Variants in CNTLN observed in about 807,000 individuals in gnomAD.
The protein encoded by CNTLN is centlein, also known as centlein, centrosomal protein.
CNTLN carries 212 observed loss-of-function variants against 180.0 expected under a neutral mutation model. That is an observed-to-expected ratio of 1.18 (90% CI 1.05 to 1.32). CNTLN has a LOEUF of 1.32. CNTLN is among the 40% of genes most tolerant of loss of function. The pLI, the probability that CNTLN is intolerant of heterozygous loss-of-function variation, is 0.00. For synonymous variants in CNTLN, 722 were observed against 563.1 expected (o/e 1.28, Z -3.99); for missense variants, 2,095 against 1,610.9 (o/e 1.30, Z -5.14).
At chr9:17,214,549 C>G (rs1022920388) in intron 2 of CNTLN, among the ~76,000 whole-genome samples, 18 of 152,074 alleles carry the variant, frequency 1.2e-4, no homozygotes, top group African/African-American at 4.1e-4. Flanking sequence ...TTGCTCTTCT[C>G]GAGGAGTATC....
intron 6 of CNTLN, among the ~76,000 whole-genome samples, chr9:17,281,691 G>A (rs974289925): frequency 6.6e-6 from 1 of 152,102 alleles, no homozygotes; most frequent in African/African-American, 2.4e-5. Flanking sequence ...TATCTTTGAT[G>A]GGCATTTGGG....
chr9:17,366,700 T>A lies in CNTLN; in HGVS notation c.1970T>A (p.Val657Glu). Residue 657 changes from valine to glutamate, a missense_variant, in exon 13 of 26, where the codon GTG becomes GAG. Physicochemically the swap from Val to Glu is moderately radical, Grantham distance 121 (BLOSUM62 -2). Coordinates refer to ENST00000380647, the MANE Select transcript of CNTLN (RefSeq NM_017738.4). ...GCAATACAAGAATTGAATAGATGTG[T>A]GGCAGAGAGAAGAGAAGGTAAATTT... ...KAAIQELNRC[V>E]AERREEQLFR... The A allele has an allele frequency of 6.4e-7, 1 of 1,572,030 alleles. No homozygotes were observed. Among genetic ancestry groups the A allele is most frequent in the Non-Finnish European group, 8.7e-7 (1 of 1,152,670 alleles).
At chr9:17,501,132 A>G (rs183245999) in intron 25 of CNTLN, among the ~76,000 whole-genome samples, 1 of 152,272 alleles carries the variant, frequency 6.6e-6, no homozygotes, top group Admixed American at 6.5e-5. Context: ...TTTAAAGTCA[A>G]TGTATATGTC....
At chr9:17,501,546 C>T (rs895769671) in intron 25 of CNTLN, among the ~76,000 whole-genome samples, 4 of 152,190 alleles carry the variant, frequency 2.6e-5, no homozygotes, top group African/African-American at 7.2e-5. Context: ...AGACAAAGGC[C>T]GTTAGGCCAT....
chr9:17,291,301 T>C (rs527578660), intron 6 of CNTLN, among the ~76,000 whole-genome samples: 1 of 152,212 alleles, frequency 6.6e-6, no homozygotes, highest in South Asian at 2.1e-4. Context: ...GGGTGGAGAG[T>C]TCTGTAGATA....
In CNTLN at chr9:17,236,457, A is replaced by G; in HGVS notation, c.718A>G (p.Ile240Val). ...CAAAGAAGAGCAAAACAGACTAGTT[A>G]TAAAAAATCTGGAGGAGGAAAACAA... ...QNKEEQNRLV[I>V]KNLEEENKKL... Residue 240 changes from isoleucine (I) to valine (V), a missense_variant, in exon 5 of 26, where the codon ATA (isoleucine) becomes GTA (valine). Physicochemically the swap from Ile to Val is conservative, Grantham distance 29. Coordinates refer to ENST00000380647, the MANE Select transcript of CNTLN (RefSeq NM_017738.4). 6.2e-7 allele frequency: 1 copy of G among 1,613,744 alleles called. No homozygotes were observed. Among genetic ancestry groups the G allele is most frequent in the Non-Finnish European group, 8.5e-7 (1 of 1,179,732 alleles).
chr9:17,247,421 T>G (rs1825858012), intron 5 of CNTLN, among the ~76,000 whole-genome samples: 1 of 152,172 alleles, frequency 6.6e-6, no homozygotes, highest in South Asian at 2.1e-4. Context: ...CACTGAGTTG[T>G]AGTGCAAAGT....
chr9:17,372,466 A>G (rs1268994244), intron 13 of CNTLN, among the ~76,000 whole-genome samples: 1 of 152,138 alleles, frequency 6.6e-6, no homozygotes, highest in African/African-American at 2.4e-5. Context: ...ATAAGTAAAG[A>G]CACTGATGCC....
At chr9:17,186,580 A>G (rs781378212) in intron 2 of CNTLN, among the ~76,000 whole-genome samples, 1 of 152,090 alleles carries the variant, frequency 6.6e-6, no homozygotes, top group African/African-American at 2.4e-5. Flanking sequence ...TCACTTCTCT[A>G]TCTCAAGGTT....
chr9:17,136,327 TC>T (rs1817714033), intron 1 of CNTLN, among the ~76,000 whole-genome samples: 1 of 152,134 alleles, frequency 6.6e-6, no homozygotes, highest in Admixed American at 6.5e-5. Context: ...GTGAACAGTA[TC>T]ATCAGTTTAA....
intron 8 of CNTLN, among the ~76,000 whole-genome samples, chr9:17,313,803 T>G (rs1289830346): frequency 6.6e-6 from 1 of 152,196 alleles, no homozygotes; most frequent in African/African-American, 2.4e-5. Context: ...TCTGTAAATT[T>G]TTATTTTTTT....
At chr9:17,440,947 G>A (rs576421434) in intron 18 of CNTLN, among the ~76,000 whole-genome samples, 1 of 152,308 alleles carries the variant, frequency 6.6e-6, no homozygotes, top group South Asian at 2.1e-4. Flanking sequence ...TGGGAAAGGA[G>A]TTTCTGTAAA....
At chr9:17,215,276 G>C (rs1823656106) in intron 2 of CNTLN, among the ~76,000 whole-genome samples, 1 of 152,220 alleles carries the variant, frequency 6.6e-6, no homozygotes, top group Admixed American at 6.5e-5. Flanking sequence ...CTAACAGTCA[G>C]GACCATTAGC....
intron 6 of CNTLN, among the ~76,000 whole-genome samples, chr9:17,296,903 T>A (rs923423793): frequency 8.5e-5 from 13 of 152,256 alleles, no homozygotes; most frequent in Non-Finnish European, 1.9e-4. Context: ...TTCATCCATG[T>A]TCAACAACTG....
intron 25 of CNTLN, among the ~76,000 whole-genome samples, chr9:17,498,925 C>G (rs535458547): frequency 3.9e-5 from 6 of 152,326 alleles, no homozygotes; most frequent in Admixed American, 3.3e-4. Context: ...GTCTGTATGT[C>G]TCCCTCAGAG....
At chr9:17,231,738 G>A (rs1424050059) in intron 3 of CNTLN, among the ~76,000 whole-genome samples, 1 of 151,970 alleles carries the variant, frequency 6.6e-6, no homozygotes, top group Non-Finnish European at 1.5e-5. Context: ...TTGAAAATAG[G>A]TCAGTATAAA....
intron 12 of CNTLN, among the ~76,000 whole-genome samples, chr9:17,366,276 T>C (rs1191081297): frequency 2.0e-5 from 3 of 148,874 alleles, no homozygotes; most frequent in Admixed American, 6.8e-5. Flanking sequence ...CAGGTGCGCG[T>C]AACCATGATG....
chr9:17,260,843 A>G (rs924496671), intron 5 of CNTLN, among the ~76,000 whole-genome samples: 12 of 151,106 alleles, frequency 7.9e-5, no homozygotes, highest in Non-Finnish European at 3.0e-5. Context: ...TCTTTAATCC[A>G]TCTTGAGTAT....
At chr9:17,449,179 A>T (rs982580529) in intron 18 of CNTLN, among the ~76,000 whole-genome samples, 1 of 152,172 alleles carries the variant, frequency 6.6e-6, no homozygotes, top group Non-Finnish European at 1.5e-5. Context: ...GGTTCCCATT[A>T]TCTGTCCCAG....
Sources: allele counts gnomAD v4.1 joint callset (sites outside exome capture counted in the v4.1 genomes callset), GRCh38; gene constraint gnomAD v4.1.1; transcripts MANE v1.5; gene names NCBI Gene and HGNC (gene_info 2026-07-23, HGNC 2026-07-21).